The following ARFGEF3 variants were observed in gnomAD, a reference collection of about 807,000 sequenced individuals.
ARFGEF3 encodes brefeldin A-inhibited guanine nucleotide-exchange protein 3.
A neutral mutation model predicts 221.7 loss-of-function variants in ARFGEF3; 96 were observed. The ratio of observed to expected loss-of-function variants is 0.43; its 90% CI spans 0.37 to 0.51. ARFGEF3 has a LOEUF of 0.51. Among genes scored for constraint, ARFGEF3 ranks in the 20% least tolerant of loss-of-function variants. The pLI, the probability that ARFGEF3 is intolerant of heterozygous loss-of-function variation, is 0.00. For synonymous variants in ARFGEF3, 1,145 were observed against 1,126.8 expected, an observed-to-expected ratio of 1.02 and a Z score of -0.32; for missense variants, 2,410 against 2,789.9, an observed-to-expected ratio of 0.86 and a Z score of 3.07.
intron 26 of ARFGEF3, among the ~76,000 whole-genome samples, chr6:138,316,993 T>C (rs2114673816): frequency 6.6e-6 from 1 of 152,348 alleles, no homozygotes; most frequent in Non-Finnish European, 1.5e-5. Flanking sequence ...TTCAAGATGG[T>C]AGAATTTCCT....
intron 2 of ARFGEF3, among the ~76,000 whole-genome samples, chr6:138,204,563 T>C (rs1777595933): frequency 6.6e-6 from 1 of 152,158 alleles, no homozygotes; most frequent in Non-Finnish European, 1.5e-5. Flanking sequence ...CAGAGTTGAA[T>C]AGTTAAGACA....
intron 14 of ARFGEF3, among the ~76,000 whole-genome samples, chr6:138,285,685 G>T (rs1779274041): frequency 6.6e-6 from 1 of 151,990 alleles, no homozygotes; most frequent in Non-Finnish European, 1.5e-5. Flanking sequence ...TTCTAACAGA[G>T]AAATAATAAT....
At chr6:138,186,512 T>G (rs1352112498) in intron 2 of ARFGEF3, among the ~76,000 whole-genome samples, 1 of 152,178 alleles carries the variant, frequency 6.6e-6, no homozygotes, top group South Asian at 2.1e-4. Context: ...TGGTCCTTTT[T>G]GTCGGTAAAG....
intron 4 of ARFGEF3, among the ~76,000 whole-genome samples, chr6:138,220,148 G>A (rs375753861): frequency 2.6e-4 from 39 of 152,184 alleles, no homozygotes; most frequent in African/African-American, 9.4e-4. Flanking sequence ...CCTACTGGGT[G>A]CGCCACTATG....
At chr6:138,266,486 G>A (rs1778894383) in intron 12 of ARFGEF3, among the ~76,000 whole-genome samples, 1 of 152,108 alleles carries the variant, frequency 6.6e-6, no homozygotes, top group African/African-American at 2.4e-5. Flanking sequence ...CAATCCTCCT[G>A]CCTTTGTCTC....
In ARFGEF3 at chr6:138,326,364, C is replaced by T. The variant is rs1342216361; in HGVS notation, c.5002-1657C>T. On this transcript the variant is annotated intron_variant, in intron 31 of 33. Coordinates refer to ENST00000251691, the MANE Select transcript of ARFGEF3 (RefSeq NM_020340.5). ...TTGGGCAGCCAAGGCAGGAGGATTG[C>T]TTGAGCCCAGGAGTGCAAGACCAGC... Among the ~76,000 whole-genome samples, 6 of 152,284 alleles carry T rather than the reference C, an allele frequency of 3.9e-5. 1 individual carries two copies. In the East Asian group the frequency reaches 9.6e-4, roughly 24 times the overall value.
intron 8 of ARFGEF3, among the ~76,000 whole-genome samples, chr6:138,249,600 G>A (rs1778543855): frequency 6.6e-6 from 1 of 152,148 alleles, no homozygotes; most frequent in African/African-American, 2.4e-5. Context: ...CCAGGTGGGT[G>A]GATCACTTGA....
At chr6:138,323,896 C>T (rs1338163574) in intron 30 of ARFGEF3, 123 bp downstream of exon 30, 2 of 1,534,178 alleles carry the variant, frequency 1.3e-6, no homozygotes, top group Non-Finnish European at 1.8e-6. Flanking sequence ...TTAGATCTTG[C>T]AGAGAGTGAG....
intron 4 of ARFGEF3, among the ~76,000 whole-genome samples, chr6:138,210,739 A>G (rs1777710207): frequency 6.6e-6 from 1 of 152,144 alleles, no homozygotes; most frequent in Non-Finnish European, 1.5e-5. Context: ...GCTTTTAATA[A>G]TGTATTCTGT....
intron 14 of ARFGEF3, 73 bp from the exon 15 acceptor site, chr6:138,285,873 T>C: frequency 3.6e-6 from 3 of 822,922 alleles, no homozygotes; most frequent in South Asian, 1.4e-5. Flanking sequence ...AAAATGAATA[T>C]TGTGGTGGCC....
chr6:138,296,716 C>T, intron 20 of ARFGEF3, 94 bp from the exon 21 acceptor site: 1 of 1,444,418 alleles, frequency 6.9e-7, no homozygotes, highest in South Asian at 1.3e-5. Flanking sequence ...CCCTACTGGT[C>T]CTACCTAGAT....
chr6:138,211,880 C>T (rs760277797), intron 4 of ARFGEF3, among the ~76,000 whole-genome samples: 4 of 152,142 alleles, frequency 2.6e-5, no homozygotes, highest in Non-Finnish European at 4.4e-5. Context: ...GTTAACTCCA[C>T]CAGAAATCGT....
At chr6:138,242,897 T>G (rs1056257472) in intron 6 of ARFGEF3, 55 bp from the exon 7 acceptor site, 50 of 1,475,484 alleles carry the variant, frequency 3.4e-5, no homozygotes, top group Non-Finnish European at 4.4e-5. Context: ...TGTCAAAGAG[T>G]CAAGATTTTT....
chr6:138,325,057 G>A (rs1780104950), intron 31 of ARFGEF3, among the ~76,000 whole-genome samples: 1 of 152,168 alleles, frequency 6.6e-6, no homozygotes, highest in Non-Finnish European at 1.5e-5. Context: ...TGCCTGAATT[G>A]GGTCTTCATA....
chr6:138,208,593 A>G (rs1313643299), intron 3 of ARFGEF3, among the ~76,000 whole-genome samples: 1 of 152,190 alleles, frequency 6.6e-6, no homozygotes, highest in Non-Finnish European at 1.5e-5. Flanking sequence ...ATAAAGGTCT[A>G]TACTGGGGTC....
Position 138,328,136 on chromosome 6 carries a change from A to C in ARFGEF3, c.5117A>C (p.Lys1706Thr), listed in dbSNP as rs1459746644. 1 of 1,594,390 alleles carries C rather than the reference A, an allele frequency of 6.3e-7. No individual in the cohort carries two copies. Among genetic ancestry groups the C allele is most frequent in the Non-Finnish European group, 8.5e-7 (1 of 1,169,746 alleles). ...PPDEKPNGHT[K>T]KSVSFREIVV... ...GATGAAAAACCAAATGGACACACCA[A>C]GAAAAGGTAAGTACCTAAATCTCAA... Residue 1706 changes from lysine (K) to threonine (T), a missense_variant, in exon 32 of 34, where the codon AAG (lysine) becomes ACG (threonine). This residue lies in a region of ARFGEF3 where 723 missense variants were observed against 991.9 expected (regional missense o/e 0.73). Transcript: ENST00000251691.
At position 138,233,902 on chromosome 6, in the gene ARFGEF3, G is replaced by T. The variant is rs145977690; in HGVS notation, c.420+4050G>T. Among the ~76,000 whole-genome samples, 35 of 152,216 alleles carry T rather than the reference G, an allele frequency of 2.3e-4. No homozygotes were observed. In the East Asian group the frequency reaches 5.6e-3, roughly 24 times the overall value. ...AAACTAGCCATGGAAGCAGGACCAC[G>T]GCCTCAAACCAGTTGAGACCACTAG... On this transcript the variant is annotated intron_variant, in intron 5 of 33. Transcript: ENST00000251691.
chr6:138,189,169 A>G (rs1346804868), intron 2 of ARFGEF3, among the ~76,000 whole-genome samples: 2 of 152,244 alleles, frequency 1.3e-5, no homozygotes, highest in African/African-American at 4.8e-5. Flanking sequence ...AAAAGGTTTC[A>G]GTCTGACCTA....
At chr6:138,270,459 C>T (rs1778983916) in intron 12 of ARFGEF3, among the ~76,000 whole-genome samples, 1 of 131,630 alleles carries the variant, frequency 7.6e-6, no homozygotes, top group African/African-American at 4.4e-5. Context: ...CACACACACA[C>T]ACACATATAT....
Sources: allele counts gnomAD v4.1 joint callset (sites outside exome capture counted in the v4.1 genomes callset), GRCh38; gene constraint gnomAD v4.1.1; regional missense constraint gnomAD v4.1.1; transcripts MANE v1.5; gene names NCBI Gene and HGNC (gene_info 2026-07-23, HGNC 2026-07-21).